The following PREX2 variants were observed in gnomAD, a reference collection of about 807,000 sequenced individuals.
PREX2 encodes phosphatidylinositol-3,4,5-trisphosphate dependent Rac exchange factor 2.
In PREX2, 107 loss-of-function variants were observed where a neutral mutation model predicts 203.2. The observed-to-expected ratio is 0.53, with a 90% confidence interval of 0.45 to 0.62. The LOEUF (loss-of-function observed/expected upper bound fraction) is 0.62, where lower values mean the gene tolerates loss of function less well. Among genes scored for constraint, PREX2 ranks in the 20% least tolerant of loss-of-function variants. PREX2 has a pLI of 0.00. For missense variants in PREX2, 1,777 were observed against 1,955.9 expected, an observed-to-expected ratio of 0.91 and a Z score of 1.72; for synonymous variants, 672 against 663.6, an observed-to-expected ratio of 1.01 and a Z score of -0.19.
intron 33 of PREX2, among the ~76,000 whole-genome samples, chr8:68,140,506 TTC>T (rs1290062042): frequency 2.6e-5 from 4 of 152,232 alleles, no homozygotes; most frequent in Admixed American, 6.5e-5. Flanking sequence ...AGTTTGATCT[TTC>T]TGTTACTTAG....
chr8:67,982,194 G>A (rs1412376495), intron 1 of PREX2, among the ~76,000 whole-genome samples: 1 of 152,144 alleles, frequency 6.6e-6, no homozygotes, highest in East Asian at 1.9e-4. Flanking sequence ...ACTTTGGGAG[G>A]CAGGAGGATC....
chr8:68,010,490 G>A (rs189789298), intron 1 of PREX2, among the ~76,000 whole-genome samples: 1 of 152,204 alleles, frequency 6.6e-6, no homozygotes, highest in Admixed American at 6.5e-5. Flanking sequence ...TGTGGATGTA[G>A]TAATAGTGGA....
intron 38 of PREX2, among the ~76,000 whole-genome samples, chr8:68,221,064 T>C (rs1400413890): frequency 6.6e-6 from 1 of 152,296 alleles, no homozygotes; most frequent in South Asian, 2.1e-4. Flanking sequence ...TCCATCTTTA[T>C]GTCCATGTGT....
chr8:68,210,847 T>A (rs1441689485), intron 37 of PREX2, among the ~76,000 whole-genome samples: 1 of 152,154 alleles, frequency 6.6e-6, no homozygotes, highest in East Asian at 1.9e-4. Context: ...AAATGTTGAG[T>A]CATCTTAAAG....
At chr8:68,079,325 T>C (rs1381443786) in intron 15 of PREX2, among the ~76,000 whole-genome samples, 1 of 152,236 alleles carries the variant, frequency 6.6e-6, no homozygotes, top group Admixed American at 6.5e-5. Flanking sequence ...CAATTATTTG[T>C]TGGAGCTCTG....
At chr8:67,957,322 G>A (rs1277797799) in intron 1 of PREX2, among the ~76,000 whole-genome samples, 4 of 152,228 alleles carry the variant, frequency 2.6e-5, no homozygotes, top group East Asian at 1.9e-4. Context: ...TTAGTATGGC[G>A]CCTTGGAGTT....
At chr8:67,955,860 A>G (rs1175728232) in intron 1 of PREX2, among the ~76,000 whole-genome samples, 2 of 152,238 alleles carry the variant, frequency 1.3e-5, no homozygotes, top group African/African-American at 4.8e-5. Context: ...CAAAATAGAT[A>G]GTAGAATTTT....
At chr8:68,191,202 T>G (rs1812286355) in intron 35 of PREX2, among the ~76,000 whole-genome samples, 1 of 152,186 alleles carries the variant, frequency 6.6e-6, no homozygotes, top group Non-Finnish European at 1.5e-5. Flanking sequence ...GGAGCATAAC[T>G]TGGTGCTGGA....
intron 30 of PREX2, among the ~76,000 whole-genome samples, chr8:68,125,817 T>G (rs1810874398): frequency 6.6e-6 from 1 of 152,144 alleles, no homozygotes; most frequent in East Asian, 1.9e-4. Flanking sequence ...TGTCCCAATA[T>G]TCTAAAGAGT....
intron 14 of PREX2, among the ~76,000 whole-genome samples, chr8:68,073,283 C>T (rs988062026): frequency 6.7e-6 from 1 of 149,994 alleles, no homozygotes; most frequent in Non-Finnish European, 1.5e-5. Context: ...AAACTGATAC[C>T]CACTGTAACT....
At chr8:68,056,241 G>A (rs941168203) in intron 10 of PREX2, among the ~76,000 whole-genome samples, 5 of 152,112 alleles carry the variant, frequency 3.3e-5, no homozygotes, top group Admixed American at 2.0e-4. Flanking sequence ...TGAGGTTGGG[G>A]CCAGGCAGGG....
chr8:68,083,447 A>G (rs1809592090), intron 18 of PREX2, 59 bp downstream of exon 18: 4 of 1,292,704 alleles, frequency 3.1e-6, no homozygotes, highest in Middle Eastern at 2.0e-4. Flanking sequence ...AGTAACACAG[A>G]AAAGATAACT....
Position 67,995,675 on chromosome 8 carries a change from T to G in PREX2, c.142-22171T>G, listed in dbSNP as rs369187622. 7.2e-5 allele frequency among the ~76,000 whole-genome samples: 11 copies of G among 152,360 alleles called. No individual in the cohort carries two copies. The South Asian group carries it at 8.3e-4, about 11-fold the overall frequency. On this transcript the variant is annotated intron_variant, in intron 1 of 39. Coordinates refer to ENST00000288368, the MANE Select transcript of PREX2 (RefSeq NM_024870.4). Reference sequence around the variant, plus strand: ...ATGGTATTTATGGGAAGCATTGATATGCTCGTTGTGTTTATAGCTCCTAAT... The same window carrying G: ...ATGGTATTTATGGGAAGCATTGATAGGCTCGTTGTGTTTATAGCTCCTAAT...
chr8:68,170,656 G>C (rs184514531), intron 35 of PREX2, among the ~76,000 whole-genome samples: 1 of 152,338 alleles, frequency 6.6e-6, no homozygotes, highest in African/African-American at 2.4e-5. Context: ...GTAACAGCAT[G>C]TAAAGTGTTT....
intron 1 of PREX2, among the ~76,000 whole-genome samples, chr8:68,009,526 A>G (rs143144685): frequency 2.4e-4 from 36 of 152,316 alleles, no homozygotes; most frequent in African/African-American, 8.7e-4. Context: ...AAAAAAGTTG[A>G]CAAATATATT....
chr8:68,152,293 A>AAAAAAAAC (rs1554581341), intron 34 of PREX2, among the ~76,000 whole-genome samples: 1,452 of 143,972 alleles, frequency 0.01, 36 homozygotes, highest in Non-Finnish European at 0.016. Flanking sequence ...CTCAGAGAAA[A>AAAAAAAAC]AAAAAAAAAA....
At chr8:68,076,603 A>AT (rs1194960705) in intron 14 of PREX2, among the ~76,000 whole-genome samples, 1 of 151,822 alleles carries the variant, frequency 6.6e-6, no homozygotes, top group East Asian at 1.9e-4. Context: ...AACATACCTA[A>AT]GTGCTAAAAG....
chr8:67,992,721 C>T (rs1035128775), intron 1 of PREX2, among the ~76,000 whole-genome samples: 1 of 152,152 alleles, frequency 6.6e-6, no homozygotes, highest in Non-Finnish European at 1.5e-5. Context: ...TAGAAGCAGC[C>T]AAAAGCTTAA....
At chr8:67,955,857 G>A (rs952751084) in intron 1 of PREX2, among the ~76,000 whole-genome samples, 4 of 152,192 alleles carry the variant, frequency 2.6e-5, no homozygotes, top group African/African-American at 9.7e-5. Flanking sequence ...GGTCAAAATA[G>A]ATAGTAGAAT....
Sources: gnomAD v4.1 joint callset for allele counts (sites outside exome capture counted in the v4.1 genomes callset) on GRCh38, gnomAD v4.1.1 for gene constraint, MANE v1.5 for transcripts, NCBI Gene and HGNC (gene_info 2026-07-23, HGNC 2026-07-21) for gene names.